STOX2: variants seen among roughly 807,000 people sequenced by gnomAD.
STOX2 encodes storkhead-box protein 2.
Under a neutral mutation model 60.9 loss-of-function variants are expected in STOX2, and 28 were observed. That is an observed-to-expected ratio of 0.46 (90% confidence interval 0.34 to 0.63). STOX2 has a LOEUF of 0.63. Among genes scored for constraint, STOX2 ranks in the 30% least tolerant of loss-of-function variants. The pLI, the probability that STOX2 is intolerant of heterozygous loss-of-function variation, is 0.01. For synonymous variants in STOX2, 472 were observed against 463.9 expected, an observed-to-expected ratio of 1.02 and a Z score of -0.22; for missense variants, 1,024 against 1,187.7, an observed-to-expected ratio of 0.86 and a Z score of 2.03.
chr4:183,966,143 G>C (rs2111168386), intron 1 of STOX2, among the ~76,000 whole-genome samples: 1 of 152,076 alleles, frequency 6.6e-6, no homozygotes, highest in South Asian at 2.1e-4. Flanking sequence ...CAGGGAGGGA[G>C]TTTTGACCCC....
Position 184,009,363 on chromosome 4 carries a change from C to G in STOX2, c.525C>G (p.Pro175=), listed in dbSNP as rs377469015. 1.9e-6 allele frequency: 3 copies of G among 1,613,870 alleles called. No individual in the cohort carries two copies. The highest frequency in any genetic ancestry group is 1.7e-5 in the Admixed American group (1 of 60,004). The part of the protein sequence containing the change: ...PDRSQCTSPQ[P]GTITPSASGC... Reference sequence around the variant, plus strand: ...GGTCTCAGTGCACCTCTCCGCAACCCGGGACCATCACGCCCTCTGCCTCAG... The same window carrying G: ...GGTCTCAGTGCACCTCTCCGCAACCGGGGACCATCACGCCCTCTGCCTCAG... Residue 175 remains proline (P), a synonymous_variant, in exon 3 of 4, where the codon CCC becomes CCG. Transcript: ENST00000308497. This position sits in a 1 kb window ranked among gnomAD's most constrained non-coding sequence, Gnocchi z 4.0.
At chr4:183,933,336 G>A (rs1408166089) in intron 1 of STOX2, among the ~76,000 whole-genome samples, 1 of 152,188 alleles carries the variant, frequency 6.6e-6, no homozygotes, top group Non-Finnish European at 1.5e-5. Context: ...AGTTCTTATT[G>A]AAATTAAAGC....
chr4:183,833,976 C>A (rs1320632194), intron 1 of STOX2, among the ~76,000 whole-genome samples: 1 of 117,182 alleles, frequency 8.5e-6, no homozygotes, highest in African/African-American at 3.5e-5. Context: ...AGTGAGACTC[C>A]GTCTCAAAAA....
At chr4:183,892,732 T>C (rs1445525527) in intron 1 of STOX2, among the ~76,000 whole-genome samples, 1 of 152,128 alleles carries the variant, frequency 6.6e-6, no homozygotes, top group African/African-American at 2.4e-5. Context: ...AATCGATACA[T>C]ACTTAAGATA....
intron 1 of STOX2, among the ~76,000 whole-genome samples, chr4:183,807,284 A>G (rs1738925235): frequency 6.6e-6 from 1 of 152,198 alleles, no homozygotes; most frequent in African/African-American, 2.4e-5. Flanking sequence ...TGACACTTTC[A>G]TGCTGAAAAA....
Position 184,020,112 on chromosome 4 carries a change from A to G in STOX2, c.*2828A>G, listed in dbSNP as rs1579565285. 1.3e-5 allele frequency: 2 copies of G among 152,318 alleles called. No individual in the cohort carries two copies. The highest frequency in any genetic ancestry group is 6.8e-3 in the Middle Eastern group (2 of 294). 9.4% of individuals were successfully genotyped at this position (152,318 alleles called of 1,614,324 possible). A position where few individuals can be genotyped will look rare whatever the true frequency, so the allele number is the denominator to read the frequency against. On this transcript the variant is annotated 3_prime_UTR_variant, in exon 4 of 4. Transcript: ENST00000308497. The stretch of plus-strand genomic sequence containing the variant: ...TTTTTACATATAACTACCTCCATAA[A>G]TTTGATGAAATGGCAGCCGTGTGTT...
intron 1 of STOX2, among the ~76,000 whole-genome samples, chr4:183,843,551 AC>A (rs1739918886): frequency 6.6e-6 from 1 of 152,184 alleles, no homozygotes; most frequent in African/African-American, 2.4e-5. Flanking sequence ...GGTCTCTGTC[AC>A]CACTACTCAG....
chr4:183,877,505 G>A (rs754598450), intron 1 of STOX2, among the ~76,000 whole-genome samples: 29 of 152,316 alleles, frequency 1.9e-4, no homozygotes, highest in Admixed American at 1.7e-3. Context: ...TTTGACCAAG[G>A]GAGAAAATAG....
At chr4:184,016,990 G>C (rs1316170951) in intron 3 of STOX2, 99 bp from the exon 4 acceptor site, 1 of 990,638 alleles carries the variant, frequency 1.0e-6, no homozygotes, top group Non-Finnish European at 1.5e-6. Context: ...AACCAACAGA[G>C]GAAATCCATT....
chr4:183,950,401 G>C (rs904555475), intron 1 of STOX2, among the ~76,000 whole-genome samples: 1 of 152,202 alleles, frequency 6.6e-6, no homozygotes, highest in African/African-American at 2.4e-5. Context: ...CAGGCTGCTA[G>C]GAGGTTCAGA....
rs758509137 is a variant in STOX2, at chr4:184,017,311, C to A, written c.*27C>A. The A allele has an allele frequency of 1.9e-6, 3 of 1,550,936 alleles. No homozygotes were observed. Among genetic ancestry groups the A allele is most frequent in the East Asian group, 2.4e-5 (1 of 42,336 alleles). The stretch of plus-strand genomic sequence containing the variant: ...TGTCCTTCTGCCTCAGATCTTCTGT[C>A]TCATTCGATACAGCAAAGTTTACGA... On this transcript the variant is annotated 3_prime_UTR_variant, in exon 4 of 4. Coordinates refer to ENST00000308497, the MANE Select transcript of STOX2 (RefSeq NM_020225.3).
intron 1 of STOX2, among the ~76,000 whole-genome samples, chr4:183,808,262 C>T (rs1393566421): frequency 6.6e-6 from 1 of 152,212 alleles, no homozygotes; most frequent in Non-Finnish European, 1.5e-5. Flanking sequence ...GTTACAGCGC[C>T]ACCATTCATT....
chr4:183,929,941 G>A (rs938020341), intron 1 of STOX2, among the ~76,000 whole-genome samples: 3 of 151,304 alleles, frequency 2.0e-5, no homozygotes, highest in Non-Finnish European at 4.4e-5. Context: ...TCGGCTCACT[G>A]CAAGCTCCGC....
At chr4:183,864,058 T>C (rs920626437) in intron 1 of STOX2, among the ~76,000 whole-genome samples, 9 of 152,178 alleles carry the variant, frequency 5.9e-5, no homozygotes, top group African/African-American at 2.2e-4. Context: ...AGTATGTGAA[T>C]GTTATTTTTT....
At chr4:183,983,937 C>A (rs553968019) in intron 1 of STOX2, among the ~76,000 whole-genome samples, 1 of 152,156 alleles carries the variant, frequency 6.6e-6, no homozygotes, top group African/African-American at 2.4e-5. Context: ...AGCCACCGTG[C>A]GCCATGTTCT....
chr4:183,852,277 C>CGATGAGGGAAAG (rs1740165070), intron 1 of STOX2, among the ~76,000 whole-genome samples: 2 of 21,342 alleles, frequency 9.4e-5, no homozygotes, highest in Non-Finnish European at 1.7e-4. Flanking sequence ...ATGAGAGAAA[C>CGATGAGGGAAAG]GATGAGGGAA....
At chr4:183,937,267 C>CA (rs1419101933) in intron 1 of STOX2, among the ~76,000 whole-genome samples, 1 of 152,170 alleles carries the variant, frequency 6.6e-6, no homozygotes, top group African/African-American at 2.4e-5. Flanking sequence ...GATAACCTGT[C>CA]ATTTAAAAAA....
chr4:183,927,781 C>T (rs1742287256), intron 1 of STOX2, among the ~76,000 whole-genome samples: 1 of 152,106 alleles, frequency 6.6e-6, no homozygotes, highest in Admixed American at 6.5e-5. Context: ...CTGGGACTTA[C>T]CCAGGGCTTT....
intron 1 of STOX2, among the ~76,000 whole-genome samples, chr4:183,950,780 G>C (rs983140108): frequency 2.6e-5 from 4 of 152,198 alleles, no homozygotes; most frequent in African/African-American, 9.7e-5. Context: ...GCAGGGGGCT[G>C]ATTTCAGGAG....
Sources: allele counts gnomAD v4.1 joint callset (sites outside exome capture counted in the v4.1 genomes callset), GRCh38; gene constraint gnomAD v4.1.1; non-coding constraint Gnocchi (gnomAD v3.1); transcripts MANE v1.5; gene names NCBI Gene and HGNC (gene_info 2026-07-23, HGNC 2026-07-21).